The following PEX14 variants were observed in gnomAD, a reference collection of about 807,000 sequenced individuals.
PEX14 encodes peroxisomal biogenesis factor 14.
A neutral mutation model predicts 49.5 loss-of-function variants in PEX14; 15 were observed. The ratio of observed to expected loss-of-function variants is 0.30; its 90% CI spans 0.20 to 0.47. The LOEUF (loss-of-function observed/expected upper bound fraction) is 0.47. PEX14 is among the 20% of genes least tolerant of loss of function. The probability of loss-of-function intolerance (pLI) is 1.00; values close to 1 mark genes in which losing one functional copy is unlikely to be tolerated. For missense variants in PEX14, 398 were observed against 494.8 expected, an observed-to-expected ratio of 0.80 and a Z score of 1.86; for synonymous variants, 210 against 212.7, an observed-to-expected ratio of 0.99 and a Z score of 0.11.
At chr1:10,536,146 G>C in intron 2 of PEX14, 67 bp from the exon 3 acceptor site, 1 of 1,009,596 alleles carries the variant, frequency 9.9e-7, no homozygotes, top group Admixed American at 1.7e-5. Flanking sequence ...AAACTCCTAG[G>C]ATTTTTAATC....
Position 10,542,687 on chromosome 1 carries a change from G to A in PEX14, c.169+6390G>A, listed in dbSNP as rs540307420. ...GAGGCAGGAGAATCGCTTTAACCCG[G>A]GAGACAAAGGTTGCAGTGAGCCGAG... On this transcript the variant is annotated intron_variant, in intron 3 of 8. Transcript: ENST00000356607. Among the ~76,000 whole-genome samples the A allele has an allele frequency of 3.9e-5, 6 of 152,204 alleles. No homozygotes were observed. In the East Asian group the frequency reaches 1.2e-3, roughly 29 times the overall value.
At chr1:10,602,793 G>T (rs1486911098) in intron 4 of PEX14, among the ~76,000 whole-genome samples, 1 of 152,160 alleles carries the variant, frequency 6.6e-6, no homozygotes, top group South Asian at 2.1e-4. Flanking sequence ...TGCACAATCT[G>T]CATGCTTATC....
At chr1:10,525,212 C>A (rs989105849) in intron 2 of PEX14, among the ~76,000 whole-genome samples, 1 of 152,114 alleles carries the variant, frequency 6.6e-6, no homozygotes, top group Admixed American at 6.5e-5. Context: ...GATTCAGTTT[C>A]TCTTCCAAAC....
At chr1:10,598,426 A>G (rs1185988780) in intron 3 of PEX14, among the ~76,000 whole-genome samples, 1 of 152,224 alleles carries the variant, frequency 6.6e-6, no homozygotes, top group Non-Finnish European at 1.5e-5. Context: ...CCCACTGGAA[A>G]TGCGGCCTTC....
chr1:10,575,913 T>C (rs1007387914), intron 3 of PEX14, among the ~76,000 whole-genome samples: 3 of 152,186 alleles, frequency 2.0e-5, no homozygotes, highest in African/African-American at 4.8e-5. Flanking sequence ...TGTCTCAATA[T>C]GCTACTTGAG....
chr1:10,513,473 T>C (rs913934474), intron 2 of PEX14, among the ~76,000 whole-genome samples: 8 of 152,210 alleles, frequency 5.3e-5, no homozygotes, highest in African/African-American at 1.9e-4. Flanking sequence ...GCCGTTTTAA[T>C]TGAACTGCAG....
intron 3 of PEX14, among the ~76,000 whole-genome samples, chr1:10,557,848 T>A (rs1011094845): frequency 8.6e-6 from 1 of 116,940 alleles, no homozygotes; most frequent in Non-Finnish European, 1.9e-5. Flanking sequence ...TTTTTTTTTT[T>A]TAATGATTTT....
At chr1:10,553,840 C>CA (rs2124515441) in intron 3 of PEX14, among the ~76,000 whole-genome samples, 1 of 152,288 alleles carries the variant, frequency 6.6e-6, no homozygotes, top group Admixed American at 6.5e-5. Flanking sequence ...TTGTGACAGT[C>CA]AACCTGTTTG....
At chr1:10,586,530 T>C (rs1640491916) in intron 3 of PEX14, among the ~76,000 whole-genome samples, 1 of 152,022 alleles carries the variant, frequency 6.6e-6, no homozygotes, top group African/African-American at 2.4e-5. Context: ...ATTCTTTTAC[T>C]GTATAAGACT....
intron 3 of PEX14, among the ~76,000 whole-genome samples, chr1:10,538,607 G>T (rs1638908532): frequency 6.6e-6 from 1 of 152,262 alleles, no homozygotes; most frequent in Admixed American, 6.5e-5. Flanking sequence ...GGGAAGAAAA[G>T]CCCCTTCGCA....
chr1:10,612,378 A>T (rs1641298821), intron 4 of PEX14, among the ~76,000 whole-genome samples: 1 of 152,146 alleles, frequency 6.6e-6, no homozygotes, highest in South Asian at 2.1e-4. Context: ...TGGACAGGGG[A>T]TATAGATATG....
At chr1:10,574,076 T>C (rs1349417331) in intron 3 of PEX14, among the ~76,000 whole-genome samples, 5 of 152,214 alleles carry the variant, frequency 3.3e-5, no homozygotes, top group African/African-American at 1.2e-4. Flanking sequence ...CACTCCAGCC[T>C]GGGTGACAGA....
intron 2 of PEX14, among the ~76,000 whole-genome samples, chr1:10,498,895 C>G (rs1641618155): frequency 6.6e-6 from 1 of 152,212 alleles, no homozygotes; most frequent in Non-Finnish European, 1.5e-5. Flanking sequence ...CCAGCTTCTC[C>G]CAGATCTGTG....
intron 3 of PEX14, among the ~76,000 whole-genome samples, chr1:10,586,628 C>CTTTTTTTTT (rs35743829): frequency 3.2e-5 from 3 of 93,012 alleles, no homozygotes; most frequent in East Asian, 3.2e-4. Flanking sequence ...AGCCGTTTAC[C>CTTTTTTTTT]TTTTTTTTTT....
intron 4 of PEX14, among the ~76,000 whole-genome samples, chr1:10,615,135 G>C (rs935853116): frequency 6.6e-6 from 1 of 152,160 alleles, no homozygotes; most frequent in Non-Finnish European, 1.5e-5. Context: ...GGAAGGGAGT[G>C]GGGGAAGTCC....
chr1:10,490,603 G>A (rs939109051), intron 1 of PEX14, among the ~76,000 whole-genome samples: 1 of 151,792 alleles, frequency 6.6e-6, no homozygotes, highest in African/African-American at 2.4e-5. Flanking sequence ...TTCTCTTCCT[G>A]CTCTCCCCAT....
chr1:10,551,006 G>A (rs2124510309), intron 3 of PEX14, among the ~76,000 whole-genome samples: 1 of 152,292 alleles, frequency 6.6e-6, no homozygotes, highest in Non-Finnish European at 1.5e-5. Flanking sequence ...TTGGGCTTGA[G>A]TGTGGCTCTA....
Position 10,629,970 on chromosome 1 carries a change from G to GA in PEX14, c.1118dup (p.Ser374GlufsTer2), listed in dbSNP as rs1487333998. On this transcript the variant is annotated frameshift_variant, in exon 9 of 9. Coordinates refer to ENST00000356607, the MANE Select transcript of PEX14 (RefSeq NM_004565.3). LOFTEE classifies it high-confidence loss of function. The surrounding 1 kb of genome is among the most constrained non-coding windows in gnomAD (Gnocchi z 8.5). ...GCGGCGGCCCGAGGGCGCCAGCAAC[G>GA]AGAGTGAGCGGGACTAGGGCTGCGC... is the stretch of plus-strand genomic sequence containing the variant. 1 of 1,610,204 alleles carries GA rather than the reference G, an allele frequency of 6.2e-7. No homozygotes were observed.
At chr1:10,609,507 T>G (rs1641216117) in intron 4 of PEX14, among the ~76,000 whole-genome samples, 1 of 152,228 alleles carries the variant, frequency 6.6e-6, no homozygotes, top group Admixed American at 6.5e-5. Flanking sequence ...CTTTGTGCCC[T>G]TTATGTCGTC....
Sources: allele counts gnomAD v4.1 joint callset (sites outside exome capture counted in the v4.1 genomes callset), GRCh38; gene constraint gnomAD v4.1.1; non-coding constraint Gnocchi (gnomAD v3.1); transcripts MANE v1.5; gene names NCBI Gene and HGNC (gene_info 2026-07-23, HGNC 2026-07-21).